ZNF577: variants seen among roughly 807,000 people sequenced by gnomAD.
The protein encoded by ZNF577 is zinc finger protein 577.
A neutral mutation model predicts 13.9 loss-of-function variants in ZNF577; 14 were observed. That is an observed-to-expected ratio of 1.00 (90% confidence interval 0.66 to 1.57). ZNF577 has a LOEUF of 1.57. Among genes scored for constraint, ZNF577 ranks in the 40% most tolerant of loss-of-function variants. ZNF577 has a pLI of 0.00. For synonymous variants in ZNF577, 203 were observed against 202.9 expected (o/e 1.00, Z 0.00); for missense variants, 555 against 579.2 (o/e 0.96, Z 0.43).
At chr19:51,878,627 G>T (rs2084807696) in intron 3 of ZNF577, 112 bp from the exon 4 acceptor site, 3 of 1,342,924 alleles carry the variant, frequency 2.2e-6, no homozygotes, top group Middle Eastern at 3.8e-4. Context: ...GCACACCATG[G>T]CTATTTCACA....
In ZNF577 at chr19:51,873,526, C is replaced by T. The variant is rs2084701946; in HGVS notation, c.464G>A (p.Gly155Glu). 6.2e-7 allele frequency: 1 copy of T among 1,614,204 alleles called. No individual in the cohort carries two copies. The highest frequency in any genetic ancestry group is 8.5e-7 in the Non-Finnish European group (1 of 1,180,034). The change falls in exon 6 of 6, where the codon GGG becomes GAG. Residue 155 changes from glycine (G) to glutamate (E), a missense_variant. Coordinates refer to ENST00000638348, the MANE Select transcript of ZNF577 (RefSeq NM_001370449.1). Reference protein sequence around the residue: ...LNDLQKICAGGKPHECSVCGR... With the variant: ...LNDLQKICAGEKPHECSVCGR... Reference sequence around the variant, plus strand: ...GCACACACTGCATTCATGTGGTTTCCCTCCTGCACAAATTTTTTGTAGGTC... The same window carrying T: ...GCACACACTGCATTCATGTGGTTTCTCTCCTGCACAAATTTTTTGTAGGTC...
intron 9 of ZNF577, among the ~76,000 whole-genome samples, chr19:51,815,038 G>A (rs907337748): frequency 4.1e-5 from 6 of 147,128 alleles, no homozygotes; most frequent in Non-Finnish European, 9.0e-5. Flanking sequence ...CTGAACTCCC[G>A]ACCTCAAATG....
rs1222783119 is a variant in ZNF577, at chr19:51,872,499, A to G, written c.*33T>C. The G allele has an allele frequency of 4.7e-6, 7 of 1,486,526 alleles. No individual in the cohort carries two copies. The highest frequency in any genetic ancestry group is 6.3e-6 in the Non-Finnish European group (7 of 1,114,310). 92.1% of individuals were successfully genotyped at this position (1,486,526 alleles called of 1,614,324 possible). Reference sequence around the variant, plus strand: ...ATATAATGGCTGGAGGATTCCTACTAAAGATTTTCCCACCTTTCTGGTATC... The same window carrying G: ...ATATAATGGCTGGAGGATTCCTACTGAAGATTTTCCCACCTTTCTGGTATC... On this transcript the variant is annotated 3_prime_UTR_variant, in exon 6 of 6. Coordinates refer to ENST00000638348, the MANE Select transcript of ZNF577 (RefSeq NM_001370449.1).
chr19:51,813,549 G>T (rs1327782258), intron 9 of ZNF577, among the ~76,000 whole-genome samples: 1 of 151,366 alleles, frequency 6.6e-6, no homozygotes, highest in East Asian at 1.9e-4. Context: ...CCTTTTTTTT[G>T]AGACAGAGTC....
At chr19:51,805,323 T>C (rs1298976535) in intron 10 of ZNF577, 4 of 152,354 alleles carry the variant, frequency 2.6e-5, no homozygotes, top group East Asian at 1.9e-4. Context: ...ACTGTGGTAC[T>C]TTAGATAGGT....
chr19:51,854,519 A>T (rs2084398830), intron 5 of ZNF577, among the ~76,000 whole-genome samples: 1 of 68,804 alleles, frequency 1.5e-5, no homozygotes, highest in South Asian at 7.0e-4. Context: ...TTTTTTTTAG[A>T]GATGGGGTCT....
rs189172462 is a variant in ZNF577 at position 51,879,813 on chromosome 19, G to A, written c.60+510C>T. 7.9e-5 allele frequency among the ~76,000 whole-genome samples: 12 copies of A among 152,204 alleles called. No homozygotes were observed. The East Asian group carries it at 1.9e-3, about 24-fold the overall frequency. On this transcript the variant is annotated intron_variant, in intron 3 of 5. Coordinates refer to ENST00000638348, the MANE Select transcript of ZNF577 (RefSeq NM_001370449.1). ...GCTTCTGTTTGCTTGAATCTCTTGC[G>A]TGCAAATGTAGCCATGTATCATTTC...
chr19:51,812,946 C>T (rs774796726), intron 9 of ZNF577, among the ~76,000 whole-genome samples: 4 of 152,054 alleles, frequency 2.6e-5, no homozygotes, highest in Non-Finnish European at 4.4e-5. Flanking sequence ...CATGGTGAAA[C>T]TCTGTCTCTA....
chr19:51,828,532 G>A (rs2084243446), intron 9 of ZNF577, among the ~76,000 whole-genome samples: 1 of 152,182 alleles, frequency 6.6e-6, no homozygotes, highest in South Asian at 2.1e-4. Flanking sequence ...GTTAATTGCA[G>A]TAGAACAGTG....
In ZNF577 at chr19:51,824,443, A is replaced by C; in HGVS notation, c.*600-12769T>G. 6.2e-7 allele frequency: 1 copy of C among 1,614,060 alleles called. No homozygotes were observed. The highest frequency in any genetic ancestry group is 8.5e-7 in the Non-Finnish European group (1 of 1,179,994). ...ATCGCTGCCAAAATTCACAGAAACC[A>C]CATGATTAAATCCAGCCGTCCCTTA... On this transcript the variant is annotated intron_variant and NMD_transcript_variant, in intron 9 of 10. Coordinates refer to the ZNF577 transcript ENST00000638827. The surrounding 1 kb of genome is among the most constrained non-coding windows in gnomAD (Gnocchi z 4.7).
chr19:51,852,260 G>C (rs947737242), intron 5 of ZNF577, among the ~76,000 whole-genome samples: 1 of 152,182 alleles, frequency 6.6e-6, no homozygotes, highest in Admixed American at 6.5e-5. Flanking sequence ...CAGCGTGCTG[G>C]CCATTCTTTT....
At chr19:51,885,372 C>G (rs1473621344) in intron 1 of ZNF577, among the ~76,000 whole-genome samples, 2 of 152,026 alleles carry the variant, frequency 1.3e-5, no homozygotes, top group African/African-American at 4.8e-5. Flanking sequence ...TAATCTATAC[C>G]CTTTTAGCTT....
At chr19:51,873,894 T>C (rs1247182711) in intron 5 of ZNF577, among the ~76,000 whole-genome samples, 188 bp from the exon 6 acceptor site, 1 of 152,144 alleles carries the variant, frequency 6.6e-6, no homozygotes. Context: ...AAATTTCTCC[T>C]AGGAAAAAGC....
At chr19:51,850,311 C>T (rs1270149177) in intron 5 of ZNF577, among the ~76,000 whole-genome samples, 1 of 152,238 alleles carries the variant, frequency 6.6e-6, no homozygotes, top group Non-Finnish European at 1.5e-5. Flanking sequence ...TCCACCTGTG[C>T]AGACTATGGT....
intron 9 of ZNF577, among the ~76,000 whole-genome samples, chr19:51,820,621 G>A (rs2084181350): frequency 6.6e-6 from 1 of 152,190 alleles, no homozygotes; most frequent in African/African-American, 2.4e-5. Flanking sequence ...ACATCATACT[G>A]TCTGAATGTC....
chr19:51,817,210 T>C (rs2084143375), intron 9 of ZNF577, among the ~76,000 whole-genome samples: 1 of 152,198 alleles, frequency 6.6e-6, no homozygotes, highest in South Asian at 2.1e-4. Context: ...ATTGTTCCCT[T>C]GTCCTTCAGC....
chr19:51,815,327 C>T (rs1368694816), intron 9 of ZNF577, among the ~76,000 whole-genome samples: 2 of 151,980 alleles, frequency 1.3e-5, no homozygotes, highest in East Asian at 3.9e-4. Context: ...TCTCGAAGGC[C>T]GAGGTGGGTG....
chr19:51,874,035 C>T (rs868012215), intron 5 of ZNF577, among the ~76,000 whole-genome samples: 18 of 152,080 alleles, frequency 1.2e-4, no homozygotes, highest in African/African-American at 3.9e-4. Flanking sequence ...AAGGATGATA[C>T]TATAAAACAG....
intron 5 of ZNF577, among the ~76,000 whole-genome samples, chr19:51,847,196 G>T (rs1254816643): frequency 5.9e-5 from 9 of 152,152 alleles, no homozygotes; most frequent in Non-Finnish European, 1.2e-4. Context: ...AATTTTGGTT[G>T]TACAGGTTAT....
Sources: allele counts gnomAD v4.1 joint callset (sites outside exome capture counted in the v4.1 genomes callset), GRCh38; gene constraint gnomAD v4.1.1; non-coding constraint Gnocchi (gnomAD v3.1); transcripts MANE v1.5; gene names NCBI Gene and HGNC (gene_info 2026-07-23, HGNC 2026-07-21).